Variants in ASTN2 observed in about 807,000 individuals in gnomAD.
ASTN2 encodes astrotactin 2, also known as astrotactin-2.
ASTN2 carries 54 observed loss-of-function variants against 139.8 expected under a neutral mutation model. That is an observed-to-expected ratio of 0.39 (90% confidence interval 0.31 to 0.48). ASTN2 has a LOEUF of 0.48. Ranked by LOEUF, ASTN2 falls within the 20% of genes least tolerant of loss-of-function variation. The pLI is 0.95. For synonymous variants in ASTN2, 756 were observed against 719.5 expected (o/e 1.05, Z -0.81); for missense variants, 1,565 against 1,725.1 (o/e 0.91, Z 1.64).
intron 13 of ASTN2, among the ~76,000 whole-genome samples, chr9:116,787,870 T>A (rs1830416934): frequency 6.6e-6 from 1 of 152,194 alleles, no homozygotes; most frequent in African/African-American, 2.4e-5. Context: ...TCAATATTGA[T>A]TTATTAATTA....
intron 10 of ASTN2, among the ~76,000 whole-genome samples, chr9:116,887,192 CAAA>C (rs2132381556): frequency 2.6e-5 from 4 of 152,018 alleles, no homozygotes; most frequent in South Asian, 4.2e-4. Context: ...ACTTACATGG[CAAA>C]TTCAACAATG....
chr9:117,128,371 C>CAAAAAAAAA (rs1167187783), intron 4 of ASTN2, among the ~76,000 whole-genome samples: 10 of 66,408 alleles, frequency 1.5e-4, no homozygotes, highest in African/African-American at 5.9e-4. Flanking sequence ...GACACTGTCT[C>CAAAAAAAAA]AAAAAAAAAA....
At chr9:116,536,359 C>T (rs540544581) in intron 19 of ASTN2, among the ~76,000 whole-genome samples, 48 of 152,240 alleles carry the variant, frequency 3.2e-4, no homozygotes, top group Middle Eastern at 3.4e-3. Flanking sequence ...CTCAACTCCT[C>T]AAAGTCTTTC....
chr9:116,465,194 C>T (rs994440960), intron 20 of ASTN2, among the ~76,000 whole-genome samples: 1 of 152,244 alleles, frequency 6.6e-6, no homozygotes, highest in East Asian at 1.9e-4. Context: ...CTTTTCACTA[C>T]AGCCAGCAGG....
intron 5 of ASTN2, among the ~76,000 whole-genome samples, chr9:117,049,875 G>A (rs1838864796): frequency 6.6e-6 from 1 of 152,122 alleles, no homozygotes; most frequent in South Asian, 2.1e-4. Flanking sequence ...AAAAGATGCT[G>A]TACTCAATAG....
At chr9:117,275,945 A>G (rs1256340228) in intron 2 of ASTN2, among the ~76,000 whole-genome samples, 1 of 152,104 alleles carries the variant, frequency 6.6e-6, no homozygotes, top group Non-Finnish European at 1.5e-5. Context: ...ATACAGTCAC[A>G]TTAGGGGTTG....
chr9:116,730,951 G>A (rs1030017510), intron 14 of ASTN2, among the ~76,000 whole-genome samples: 14 of 151,978 alleles, frequency 9.2e-5, no homozygotes, highest in Non-Finnish European at 2.1e-4. Flanking sequence ...TCAAGGTCAC[G>A]GTCTATATTC....
rs1426484317 is a variant in ASTN2, at chr9:117,209,436, A to C, written c.1015+4922T>G. On this transcript the variant is annotated intron_variant, in intron 3 of 22. Transcript: ENST00000313400. ...TATCAGACTAAACAGGCTTCAATTC[A>C]ATGCTGTAAAAATAGACAATGAAGG... is the stretch of plus-strand genomic sequence containing the variant. Among the ~76,000 whole-genome samples the C allele has an allele frequency of 5.9e-5, 9 of 152,166 alleles. 1 individual carries two copies. Among genetic ancestry groups the C allele is most frequent in the Admixed American group, 5.9e-4 (9 of 15,284 alleles).
At chr9:117,058,757 G>A (rs374002937) in intron 5 of ASTN2, among the ~76,000 whole-genome samples, 22 of 152,154 alleles carry the variant, frequency 1.4e-4, no homozygotes, top group African/African-American at 5.3e-4. Flanking sequence ...CAGTCTGGTG[G>A]GGATGGGAGA....
intron 1 of ASTN2, among the ~76,000 whole-genome samples, chr9:117,351,239 A>G (rs192230330): frequency 1.6e-4 from 24 of 152,228 alleles, no homozygotes; most frequent in African/African-American, 5.1e-4. Context: ...CAGCTCAAAA[A>G]CCTTAATACC....
chr9:117,115,945 A>C (rs1363898836), intron 4 of ASTN2, among the ~76,000 whole-genome samples: 1 of 151,646 alleles, frequency 6.6e-6, no homozygotes, highest in Non-Finnish European at 1.5e-5. Flanking sequence ...GAATGGCGTG[A>C]ACCCAGAAGG....
chr9:116,848,945 T>G (rs1832515862), intron 11 of ASTN2, among the ~76,000 whole-genome samples: 1 of 152,234 alleles, frequency 6.6e-6, no homozygotes, highest in Non-Finnish European at 1.5e-5. Context: ...AAACCTGTGC[T>G]TCTGATGACC....
intron 10 of ASTN2, among the ~76,000 whole-genome samples, chr9:116,930,631 G>A (rs1834871046): frequency 6.6e-6 from 1 of 152,162 alleles, no homozygotes; most frequent in African/African-American, 2.4e-5. Context: ...CAAAGATTGG[G>A]CACTTGGGAA....
At chr9:117,233,265 A>T (rs1169722940) in intron 2 of ASTN2, among the ~76,000 whole-genome samples, 1 of 152,200 alleles carries the variant, frequency 6.6e-6, no homozygotes, top group East Asian at 1.9e-4. Flanking sequence ...CAGGAAATCA[A>T]ACAAAATTGC....
chr9:116,545,687 AT>A (rs760144207), intron 19 of ASTN2: 1 of 152,238 alleles, frequency 6.6e-6, no homozygotes, highest in Non-Finnish European at 1.5e-5. Context: ...CAGAAAAAAA[AT>A]AAGAAAATTC....
chr9:116,901,231 AT>A (rs1225442020), intron 10 of ASTN2, among the ~76,000 whole-genome samples: 1 of 152,144 alleles, frequency 6.6e-6, no homozygotes, highest in African/African-American at 2.4e-5. Context: ...GTCCTTTAAA[AT>A]TATTTTGGAA....
At chr9:116,827,440 A>G (rs1831671260) in intron 11 of ASTN2, among the ~76,000 whole-genome samples, 1 of 152,086 alleles carries the variant, frequency 6.6e-6, no homozygotes, top group Non-Finnish European at 1.5e-5. Context: ...AATGCAAAGG[A>G]TCAATGAAAT....
chr9:117,312,938 G>C (rs1188361845), intron 1 of ASTN2, among the ~76,000 whole-genome samples: 1 of 152,154 alleles, frequency 6.6e-6, no homozygotes, highest in Non-Finnish European at 1.5e-5. Flanking sequence ...CTGTCTCAGT[G>C]ATATCTCACT....
At chr9:116,841,129 C>T (rs1337808418) in intron 11 of ASTN2, among the ~76,000 whole-genome samples, 4 of 152,364 alleles carry the variant, frequency 2.6e-5, no homozygotes, top group East Asian at 3.9e-4. Context: ...AATCCCGGCA[C>T]CTCGGGAGGC....
Sources: gnomAD v4.1 joint callset for allele counts (sites outside exome capture counted in the v4.1 genomes callset) on GRCh38, gnomAD v4.1.1 for gene constraint, MANE v1.5 for transcripts, NCBI Gene and HGNC (gene_info 2026-07-23, HGNC 2026-07-21) for gene names.